MCTP1: variants seen among roughly 807,000 people sequenced by gnomAD.
MCTP1 encodes multiple C2 and transmembrane domain-containing protein 1.
MCTP1 carries 69 observed loss-of-function variants against 120.6 expected under a neutral mutation model. The ratio of observed to expected loss-of-function variants is 0.57; its 90% confidence interval spans 0.47 to 0.70. MCTP1 has a LOEUF of 0.70. MCTP1 is among the 30% of genes least tolerant of loss of function. MCTP1 has a pLI of 0.00. For missense variants in MCTP1, 1,203 were observed against 1,248.8 expected, an observed-to-expected ratio of 0.96 and a Z score of 0.55; for synonymous variants, 529 against 493.1, an observed-to-expected ratio of 1.07 and a Z score of -0.96.
intron 2 of MCTP1, among the ~76,000 whole-genome samples, chr5:94,967,884 AT>A (rs1239852916): frequency 6.6e-6 from 1 of 152,194 alleles, no homozygotes; most frequent in Admixed American, 6.5e-5. Flanking sequence ...ATAGGATAAA[AT>A]TTGCTACATT....
intron 1 of MCTP1, among the ~76,000 whole-genome samples, chr5:95,050,721 C>G (rs1745676536): frequency 6.6e-6 from 1 of 152,184 alleles, no homozygotes; most frequent in Non-Finnish European, 1.5e-5. Flanking sequence ...AGATGCTTTG[C>G]TATGAGTTAA....
intron 1 of MCTP1, among the ~76,000 whole-genome samples, chr5:95,256,648 T>C (rs375377287): frequency 2.0e-5 from 3 of 152,320 alleles, no homozygotes; most frequent in Admixed American, 6.5e-5. Context: ...CTATATTATA[T>C]TCTCTCTGTT....
intron 1 of MCTP1, among the ~76,000 whole-genome samples, chr5:95,165,561 C>A (rs1408381369): frequency 6.6e-6 from 1 of 152,124 alleles, no homozygotes; most frequent in Non-Finnish European, 1.5e-5. Flanking sequence ...TTAATAAAAT[C>A]AAAACACGTG....
intron 21 of MCTP1, chr5:94,710,556 A>G (rs573117237): frequency 8.7e-6 from 3 of 345,456 alleles, no homozygotes; most frequent in African/African-American, 2.2e-5. Flanking sequence ...AGACAAAGCT[A>G]CACTTTGATA....
chr5:95,146,759 A>AT (rs958668027), intron 1 of MCTP1, among the ~76,000 whole-genome samples: 3 of 151,698 alleles, frequency 2.0e-5, no homozygotes, highest in Admixed American at 6.6e-5. Context: ...GTTTGTTATG[A>AT]TTTTTTTTAA....
At chr5:95,228,212 CAAG>C (rs957436388) in intron 1 of MCTP1, among the ~76,000 whole-genome samples, 1 of 152,000 alleles carries the variant, frequency 6.6e-6, no homozygotes, top group South Asian at 2.1e-4. Flanking sequence ...TCCAAAAGAA[CAAG>C]AACAACAACA....
At chr5:95,142,136 T>C (rs1189255627) in intron 1 of MCTP1, among the ~76,000 whole-genome samples, 1 of 152,218 alleles carries the variant, frequency 6.6e-6, no homozygotes, top group African/African-American at 2.4e-5. Flanking sequence ...TATAATTGTC[T>C]AATGTTTCTA....
chr5:95,168,064 A>C (rs921245818), intron 1 of MCTP1, among the ~76,000 whole-genome samples: 4 of 152,122 alleles, frequency 2.6e-5, no homozygotes, highest in African/African-American at 9.7e-5. Flanking sequence ...TCTTGAATTA[A>C]TTTTTGTATA....
At chr5:94,769,375 TCAA>T (rs1362396379) in intron 19 of MCTP1, among the ~76,000 whole-genome samples, 2 of 152,172 alleles carry the variant, frequency 1.3e-5, no homozygotes, top group Non-Finnish European at 2.9e-5. Flanking sequence ...TTTGAAATAT[TCAA>T]CACTCAAAGA....
rs1040753696 is a variant in MCTP1, at chr5:94,749,309, T to C, written c.2610+29801A>G. On this transcript the variant is annotated intron_variant, in intron 19 of 22. Transcript: ENST00000515393. ...GTGGTATCCCCTGGCACTTAAGATA[T>C]ATGCAACCCTGTGCCCTGGAACCTA... 3.9e-5 allele frequency among the ~76,000 whole-genome samples: 6 copies of C among 152,158 alleles called. No individual in the cohort carries two copies. In the South Asian group the frequency reaches 1.2e-3, roughly 32 times the overall value.
intron 1 of MCTP1, among the ~76,000 whole-genome samples, chr5:95,072,714 C>T (rs1283878944): frequency 6.7e-6 from 1 of 149,096 alleles, no homozygotes; most frequent in Non-Finnish European, 1.5e-5. Flanking sequence ...TGTTCTAGCT[C>T]CAAATTTGGA....
chr5:94,946,413 G>C (rs1044356363), intron 3 of MCTP1, among the ~76,000 whole-genome samples: 7 of 152,240 alleles, frequency 4.6e-5, no homozygotes, highest in Non-Finnish European at 8.8e-5. Flanking sequence ...ATTTTTAAAG[G>C]CAATGGTGAA....
intron 2 of MCTP1, among the ~76,000 whole-genome samples, chr5:94,985,098 C>T (rs1830217406): frequency 6.6e-6 from 1 of 152,132 alleles, no homozygotes; most frequent in Admixed American, 6.5e-5. Context: ...CTTCCAGCAT[C>T]AGGGAGCAAG....
At chr5:95,186,847 AG>A (rs1172098570) in intron 1 of MCTP1, among the ~76,000 whole-genome samples, 1 of 152,236 alleles carries the variant, frequency 6.6e-6, no homozygotes, top group Non-Finnish European at 1.5e-5. Context: ...GCCACAGAAG[AG>A]AACCCAGAAT....
chr5:94,900,741 T>C (rs1805290281), intron 10 of MCTP1, among the ~76,000 whole-genome samples: 1 of 152,208 alleles, frequency 6.6e-6, no homozygotes. Flanking sequence ...GAAATTTTAA[T>C]AAATCCTGAT....
At chr5:94,789,339 C>T (rs1778398756) in intron 18 of MCTP1, 1 of 152,180 alleles carries the variant, frequency 6.6e-6, no homozygotes, top group South Asian at 2.1e-4. Flanking sequence ...GTGTGCATTC[C>T]AGTGAGGAGA....
At chr5:94,713,473 G>C (rs1757838105) in intron 20 of MCTP1, among the ~76,000 whole-genome samples, 1 of 151,992 alleles carries the variant, frequency 6.6e-6, no homozygotes, top group Non-Finnish European at 1.5e-5. Flanking sequence ...CCTGATCCAT[G>C]GTCTTTTGGT....
chr5:94,826,747 T>TCAGAGAG (rs1232123812), intron 17 of MCTP1: 2 of 410,438 alleles, frequency 4.9e-6, no homozygotes, highest in African/African-American at 4.3e-5. Context: ...GTCTGTTTTA[T>TCAGAGAG]CAGAGAGTAG....
chr5:95,182,842 T>C (rs1748757180), intron 1 of MCTP1, among the ~76,000 whole-genome samples: 2 of 151,864 alleles, frequency 1.3e-5, no homozygotes, highest in African/African-American at 4.8e-5. Flanking sequence ...GCTAACATGG[T>C]AAAATCCGTC....
Sources: gnomAD v4.1 joint callset for allele counts (sites outside exome capture counted in the v4.1 genomes callset) on GRCh38, gnomAD v4.1.1 for gene constraint, MANE v1.5 for transcripts, NCBI Gene and HGNC (gene_info 2026-07-23, HGNC 2026-07-21) for gene names.